SIK3: variants seen among roughly 807,000 people sequenced by gnomAD.
SIK3 encodes the protein SIK family kinase 3.
SIK3 carries 28 observed loss-of-function variants against 144.2 expected under a neutral mutation model. That is an observed-to-expected ratio of 0.19 (90% CI 0.14 to 0.27). The LOEUF is 0.27. SIK3 is among the 10% of genes least tolerant of loss of function. The pLI, the probability that SIK3 is intolerant of heterozygous loss-of-function variation, is 1.00. For missense variants in SIK3, 1,319 were observed against 1,776.0 expected (o/e 0.74, Z 4.62); for synonymous variants, 686 against 676.3 (o/e 1.01, Z -0.22).
chr11:116,992,806 G>A (rs1042752996), intron 1 of SIK3, among the ~76,000 whole-genome samples: 7 of 152,042 alleles, frequency 4.6e-5, no homozygotes, highest in Non-Finnish European at 2.9e-5. Flanking sequence ...CAACATGGAG[G>A]GACCTCATCT....
intron 4 of SIK3, among the ~76,000 whole-genome samples, chr11:116,926,221 G>A (rs183588189): frequency 7.9e-5 from 12 of 152,240 alleles, no homozygotes; most frequent in Middle Eastern, 3.4e-3. Flanking sequence ...CTGGGAGACC[G>A]GGGATACACG....
At position 116,858,373 on chromosome 11, in the gene SIK3, G is replaced by A. The variant is rs1290499931; in HGVS notation, c.3092C>T (p.Ser1031Leu). ...LSPRHSLTGH[S>L]DIRLPPTEFA... ...CTCTGTTGGGGGCAGCCGGATGTCCGAGTGGCCGGTGAGCGAATGCCGGGG... is the reference window on the plus strand; with the variant it reads ...CTCTGTTGGGGGCAGCCGGATGTCCAAGTGGCCGGTGAGCGAATGCCGGGG... The change falls in exon 21 of 25, where the codon TCG (serine) becomes TTG (leucine). Residue 1031 changes from serine (S) to leucine (L), a missense_variant. Around this residue, in one of 8 missense-constraint regions of SIK3, gnomAD observed 646 missense variants for 763.7 expected, o/e 0.85. Coordinates refer to ENST00000445177, the MANE Select transcript of SIK3 (RefSeq NM_001366686.3). The surrounding 1 kb of genome is among the most constrained non-coding windows in gnomAD (Gnocchi z 5.4). 10 of 1,613,552 alleles carry A rather than the reference G, an allele frequency of 6.2e-6. No homozygotes were observed. Among genetic ancestry groups the A allele is most frequent in the South Asian group, 4.4e-5 (4 of 90,992 alleles).
chr11:117,087,548 A>C (rs1456124363), intron 1 of SIK3, among the ~76,000 whole-genome samples: 2 of 152,158 alleles, frequency 1.3e-5, no homozygotes, highest in Non-Finnish European at 2.9e-5. Context: ...GACTTGTACT[A>C]TATCTATGGG....
chr11:117,046,214 C>T (rs1952957079), intron 1 of SIK3, among the ~76,000 whole-genome samples: 2 of 152,230 alleles, frequency 1.3e-5, no homozygotes, highest in African/African-American at 4.8e-5. Context: ...TGACACAACA[C>T]TGAGGCACAA....
chr11:117,037,858 T>C (rs1226795514), intron 1 of SIK3, among the ~76,000 whole-genome samples: 3 of 152,232 alleles, frequency 2.0e-5, no homozygotes. Context: ...GACCCTGGTT[T>C]CCTTGCCAAG....
At chr11:116,946,596 A>C (rs1348062241) in intron 3 of SIK3, among the ~76,000 whole-genome samples, 3 of 152,188 alleles carry the variant, frequency 2.0e-5, no homozygotes, top group Admixed American at 2.0e-4. Context: ...GGTGCTCACT[A>C]TATAAACATC....
chr11:117,047,783 T>C (rs1266673370), intron 1 of SIK3, among the ~76,000 whole-genome samples: 2 of 152,184 alleles, frequency 1.3e-5, no homozygotes, highest in East Asian at 1.9e-4. Flanking sequence ...TATTTACTTA[T>C]ATAAAAAATA....
intron 1 of SIK3, among the ~76,000 whole-genome samples, chr11:117,021,441 T>C (rs1480907710): frequency 6.6e-6 from 1 of 152,066 alleles, no homozygotes; most frequent in Non-Finnish European, 1.5e-5. Context: ...TTAACCCATG[T>C]CCGTAGCACG....
intron 1 of SIK3, among the ~76,000 whole-genome samples, chr11:116,994,638 C>T (rs897582931): frequency 6.6e-6 from 1 of 152,154 alleles, no homozygotes; most frequent in Non-Finnish European, 1.5e-5. Flanking sequence ...ATCTCCTCAT[C>T]TTGACCACAA....
At chr11:117,004,622 T>G (rs6589587) in intron 1 of SIK3, among the ~76,000 whole-genome samples, 48,080 of 151,954 alleles carry the variant, frequency 0.32, 8,685 homozygotes, top group African/African-American at 0.5. Flanking sequence ...GATAATGGGG[T>G]GGAGGAAATA....
At chr11:116,938,804 G>C (rs1948131207) in intron 3 of SIK3, among the ~76,000 whole-genome samples, 1 of 152,178 alleles carries the variant, frequency 6.6e-6, no homozygotes, top group African/African-American at 2.4e-5. Flanking sequence ...ACAGGAGTCA[G>C]CCTGAAGAGG....
intron 1 of SIK3, among the ~76,000 whole-genome samples, chr11:117,013,121 C>A (rs544326600): frequency 6.6e-6 from 1 of 152,222 alleles, no homozygotes; most frequent in African/African-American, 2.4e-5. Context: ...AAGATAGTTT[C>A]TGTTATTTAA....
rs1253187465 is a variant in SIK3, at chr11:116,844,405, TTAA to T, written c.*1235_*1237del. On this transcript the variant is annotated 3_prime_UTR_variant, in exon 25 of 25. Transcript: ENST00000445177. ...CAAAAATTCCTTTTCTCTTTATTTATTAATAATGATAATAACAATAATATCAAC... is the reference window on the plus strand; with the variant it reads ...CAAAAATTCCTTTTCTCTTTATTTATTAATGATAATAACAATAATATCAAC... 2.6e-5 allele frequency: 4 copies of T among 151,610 alleles called. No homozygotes were observed. The highest frequency in any genetic ancestry group is 2.1e-4 in the South Asian group (1 of 4,808). The allele number at this position is 151,610 out of a possible 1,614,324, so 9.4% of individuals were successfully genotyped here.
chr11:116,921,620 C>T (rs1020393), intron 4 of SIK3, among the ~76,000 whole-genome samples: 11,133 of 152,170 alleles, frequency 0.073, 736 homozygotes, highest in African/African-American at 0.18. Flanking sequence ...CTTCCCACTT[C>T]GGCTTCACAA....
intron 1 of SIK3, among the ~76,000 whole-genome samples, chr11:117,022,952 G>C (rs562042832): frequency 1.3e-5 from 2 of 152,056 alleles, no homozygotes; most frequent in African/African-American, 2.4e-5. Context: ...TACATAACTG[G>C]ATCTATTTCA....
chr11:116,906,362 G>A (rs1375888451), intron 4 of SIK3, among the ~76,000 whole-genome samples: 2 of 152,142 alleles, frequency 1.3e-5, no homozygotes, highest in Non-Finnish European at 2.9e-5. Context: ...TTTTCTTTAT[G>A]TCCTGAGTTT....
At chr11:117,000,585 G>C (rs1950814126) in intron 1 of SIK3, among the ~76,000 whole-genome samples, 1 of 152,158 alleles carries the variant, frequency 6.6e-6, no homozygotes, top group Admixed American at 6.6e-5. Flanking sequence ...TCTTATAAAA[G>C]TAACATTAGA....
At chr11:116,922,905 CTCTTTTTT>C (rs1947070971) in intron 4 of SIK3, among the ~76,000 whole-genome samples, 1 of 118,692 alleles carries the variant, frequency 8.4e-6, no homozygotes, top group African/African-American at 3.5e-5. Context: ...CTTTTCTTTT[CTCTTTTTT>C]TTTTTTTTTT....
intron 1 of SIK3, among the ~76,000 whole-genome samples, chr11:117,030,451 G>A (rs934176977): frequency 9.2e-5 from 14 of 152,260 alleles, no homozygotes; most frequent in East Asian, 3.9e-4. Context: ...ATAATTTTAA[G>A]TGATAAAAAT....
Sources: gnomAD v4.1 joint callset for allele counts (sites outside exome capture counted in the v4.1 genomes callset) on GRCh38, gnomAD v4.1.1 for gene constraint, gnomAD v4.1.1 regional missense constraint, Gnocchi (gnomAD v3.1) non-coding constraint, MANE v1.5 for transcripts, NCBI Gene and HGNC (gene_info 2026-07-23, HGNC 2026-07-21) for gene names.